The following DCHS2 variants were observed in gnomAD, a reference collection of about 807,000 sequenced individuals.
DCHS2 encodes the protein dachsous cadherin-related 2.
DCHS2 carries 142 observed loss-of-function variants against 182.4 expected under a neutral mutation model. That is an observed-to-expected ratio of 0.78 (90% CI 0.68 to 0.89). DCHS2 has a LOEUF of 0.89. DCHS2 is among the 40% of genes least tolerant of loss of function. The pLI is 0.00. For synonymous variants in DCHS2, 1,740 were observed against 1,663.3 expected (o/e 1.05, Z -1.12); for missense variants, 4,319 against 4,198.6 (o/e 1.03, Z -0.79).
chr4:154,341,241 C>T (rs574631460), intron 3 of DCHS2, among the ~76,000 whole-genome samples: 5 of 151,630 alleles, frequency 3.3e-5, no homozygotes, highest in South Asian at 2.1e-4. Flanking sequence ...TGGTGGCGGG[C>T]GCCTGCAGAC....
chr4:154,272,185 A>C (rs1451000827), intron 13 of DCHS2: 1 of 152,096 alleles, frequency 6.6e-6, no homozygotes. Context: ...CATTTGAATT[A>C]TTTCCAGTTT....
At chr4:154,348,485 C>G (rs1342136729) in intron 3 of DCHS2, among the ~76,000 whole-genome samples, 1 of 151,950 alleles carries the variant, frequency 6.6e-6, no homozygotes, top group Non-Finnish European at 1.5e-5. Flanking sequence ...TTTATGTCCA[C>G]TTGGATCCTC....
chr4:154,431,471 A>G (rs893061006), intron 1 of DCHS2, among the ~76,000 whole-genome samples: 22 of 152,156 alleles, frequency 1.4e-4, no homozygotes, highest in Non-Finnish European at 2.5e-4. Context: ...TTTGTTAGAT[A>G]TATTCCTAGT....
chr4:154,254,856 G>T (rs1021980684), intron 16 of DCHS2, among the ~76,000 whole-genome samples: 4 of 151,902 alleles, frequency 2.6e-5, no homozygotes, highest in Admixed American at 6.6e-5. Context: ...AAAAAAAAAG[G>T]CTTTTGCTTC....
chr4:154,246,975 A>G (rs1221170782), intron 16 of DCHS2, among the ~76,000 whole-genome samples: 2 of 152,178 alleles, frequency 1.3e-5, no homozygotes, highest in African/African-American at 4.8e-5. Context: ...ACAAAACTAA[A>G]AAAAGGGGAG....
At chr4:154,322,645 T>G (rs1316529946) in intron 7 of DCHS2, 157 bp from the exon 8 acceptor site, 12 of 1,070,902 alleles carry the variant, frequency 1.1e-5, no homozygotes, top group Non-Finnish European at 1.0e-5. Context: ...ACAAGAAACA[T>G]CACTTTTTAA....
At position 154,285,749 on chromosome 4, in the gene DCHS2, G is replaced by A. The variant is rs540559461; in HGVS notation, c.6463+12102C>T. On this transcript the variant is annotated intron_variant, in intron 13 of 19. Transcript: ENST00000357232. ...AGAGCACCAGGTAGATGTGTCAGGA[G>A]TCCTGACTTTCTGATGACATCTCTG... Among the ~76,000 whole-genome samples the A allele has an allele frequency of 9.4e-4, 143 of 152,226 alleles. 1 individual carries two copies. The highest frequency in any genetic ancestry group is 1.7e-3 in the Non-Finnish European group (119 of 68,002).
intron 1 of DCHS2, among the ~76,000 whole-genome samples, chr4:154,380,686 G>T (rs1458441610): frequency 6.6e-6 from 1 of 152,058 alleles, no homozygotes; most frequent in Admixed American, 6.6e-5. Flanking sequence ...TAAAAGTATT[G>T]ATCTCAATTT....
At chr4:154,353,291 C>A (rs994416800) in intron 3 of DCHS2, among the ~76,000 whole-genome samples, 1 of 151,510 alleles carries the variant, frequency 6.6e-6, no homozygotes, top group African/African-American at 2.4e-5. Flanking sequence ...TCCAAGCCCA[C>A]AATTAAAAAA....
At chr4:154,277,271 A>G (rs1217608794) in intron 13 of DCHS2, among the ~76,000 whole-genome samples, 1 of 152,152 alleles carries the variant, frequency 6.6e-6, no homozygotes, top group Admixed American at 6.6e-5. Context: ...CTACCTGTGG[A>G]GATGGTTTCT....
chr4:154,472,903 A>G (rs1735533080), intron 1 of DCHS2, among the ~76,000 whole-genome samples: 1 of 152,166 alleles, frequency 6.6e-6, no homozygotes, highest in Non-Finnish European at 1.5e-5. Context: ...ACCAAATTTG[A>G]AAATCATTCA....
intron 9 of DCHS2, among the ~76,000 whole-genome samples, chr4:154,317,858 A>G (rs1379895282): frequency 6.6e-6 from 1 of 152,204 alleles, no homozygotes; most frequent in Non-Finnish European, 1.5e-5. Flanking sequence ...TGCTTCTTCA[A>G]AAAAAGAAAT....
chr4:154,461,836 AT>A (rs1735020739), intron 1 of DCHS2, among the ~76,000 whole-genome samples: 1 of 152,164 alleles, frequency 6.6e-6, no homozygotes, highest in Non-Finnish European at 1.5e-5. Flanking sequence ...TTTTCAGTGG[AT>A]TGTCCAAGGG....
Position 154,321,109 on chromosome 4 carries a change from G to A in DCHS2, c.4290C>T (p.His1430=), listed in dbSNP as rs771327360. The change falls in exon 9 of 20, where the codon CAC becomes CAT. Residue 1430 remains histidine (H), a synonymous_variant. Transcript: ENST00000357232. ...KIMSLIKSSD[H]LQQHYNGKLH... Reference sequence around the variant, plus strand: ...ACTTTCCATTATAATGTTGTTGAAGGTGATCAGATGACTTTATCAAGCTCA... The same window carrying A: ...ACTTTCCATTATAATGTTGTTGAAGATGATCAGATGACTTTATCAAGCTCA... The A allele has an allele frequency of 2.5e-6, 4 of 1,605,920 alleles. No individual in the cohort carries two copies. Among genetic ancestry groups the A allele is most frequent in the Admixed American group, 1.7e-5 (1 of 59,768 alleles).
At chr4:154,413,115 T>A (rs1027018052) in intron 1 of DCHS2, among the ~76,000 whole-genome samples, 6 of 152,204 alleles carry the variant, frequency 3.9e-5, no homozygotes, top group Non-Finnish European at 7.3e-5. Flanking sequence ...TATAGAAACA[T>A]CCAACCACTG....
At position 154,235,632 on chromosome 4, in the gene DCHS2, A is replaced by G. The variant is rs778450648; in HGVS notation, c.9020T>C (p.Ile3007Thr). Reference protein sequence around the residue: ...SLVVSFLVFLILICILIVMIL... With the variant: ...SLVVSFLVFLTLICILIVMIL... The stretch of plus-strand genomic sequence containing the variant: ...CATTACAATTAGAATGCAGATGAGT[A>G]TCAGAAACACTAAAAAGGAGACCAC... The change falls in exon 20 of 20, where the codon ATA (isoleucine) becomes ACA (threonine). Residue 3007 changes from isoleucine to threonine, a missense_variant. Coordinates refer to ENST00000357232, the MANE Select transcript of DCHS2 (RefSeq NM_001358235.2). 14 of 1,613,818 alleles carry G rather than the reference A, an allele frequency of 8.7e-6. No homozygotes were observed. Among genetic ancestry groups the G allele is most frequent in the South Asian group, 5.5e-5 (5 of 91,088 alleles).
intron 3 of DCHS2, 38 bp from the exon 4 acceptor site, chr4:154,335,142 A>T (rs2111370900): frequency 7.7e-7 from 1 of 1,296,414 alleles, no homozygotes; most frequent in East Asian, 2.3e-5. Flanking sequence ...AACAGATAAC[A>T]TGTAATAAAT....
chr4:154,374,905 G>A (rs1730817062), intron 2 of DCHS2, among the ~76,000 whole-genome samples: 1 of 152,106 alleles, frequency 6.6e-6, no homozygotes, highest in Non-Finnish European at 1.5e-5. Context: ...GTGTATAGTA[G>A]GCCACCTTTT....
intron 2 of DCHS2, among the ~76,000 whole-genome samples, chr4:154,372,952 G>C (rs190830485): frequency 3.3e-5 from 5 of 152,248 alleles, no homozygotes; most frequent in Middle Eastern, 3.4e-3. Context: ...AAATCTCTTA[G>C]TAACCACCAG....
Sources: allele counts gnomAD v4.1 joint callset (sites outside exome capture counted in the v4.1 genomes callset), GRCh38; gene constraint gnomAD v4.1.1; transcripts MANE v1.5; gene names NCBI Gene and HGNC (gene_info 2026-07-23, HGNC 2026-07-21).